SMYD3: variants seen among roughly 807,000 people sequenced by gnomAD.
SMYD3 encodes histone-lysine N-methyltransferase SMYD3.
A neutral mutation model predicts 57.7 loss-of-function variants in SMYD3; 36 were observed. The observed-to-expected ratio is 0.62, with a 90% CI of 0.48 to 0.82. The LOEUF is 0.82. Among genes scored for constraint, SMYD3 ranks in the 40% least tolerant of loss-of-function variants. The pLI, the probability that SMYD3 is intolerant of heterozygous loss-of-function variation, is 0.00. For missense variants in SMYD3, 515 were observed against 538.8 expected, an observed-to-expected ratio of 0.96 and a Z score of 0.44; for synonymous variants, 211 against 195.0, an observed-to-expected ratio of 1.08 and a Z score of -0.68.
chr1:245,774,742 T>TCCTTCTCCAC (rs1457852254), intron 10 of SMYD3, among the ~76,000 whole-genome samples: 36 of 149,638 alleles, frequency 2.4e-4, no homozygotes, highest in East Asian at 9.9e-4. Flanking sequence ...GGTCTCCCTC[T>TCCTTCTCCAC]GATGCTGAGC....
At chr1:246,339,870 T>C (rs2065604781) in intron 2 of SMYD3, among the ~76,000 whole-genome samples, 1 of 152,206 alleles carries the variant, frequency 6.6e-6, no homozygotes, top group South Asian at 2.1e-4. Flanking sequence ...CCTTCTGCCA[T>C]GCTAGGATGC....
At chr1:246,287,596 T>C (rs1052913240) in intron 5 of SMYD3, among the ~76,000 whole-genome samples, 4 of 152,266 alleles carry the variant, frequency 2.6e-5, no homozygotes, top group South Asian at 4.1e-4. Context: ...AAGATGGACA[T>C]AGAAATACCA....
intron 10 of SMYD3, among the ~76,000 whole-genome samples, chr1:245,810,155 G>C (rs1316044910): frequency 6.6e-6 from 1 of 152,202 alleles, no homozygotes; most frequent in African/African-American, 2.4e-5. Flanking sequence ...CTACCACAAG[G>C]CAGCAGAGCC....
chr1:245,844,802 G>A (rs2050581631), intron 10 of SMYD3, among the ~76,000 whole-genome samples: 2 of 151,928 alleles, frequency 1.3e-5, no homozygotes, highest in Admixed American at 1.3e-4. Context: ...ACATGACCAG[G>A]GAAACATGAC....
At chr1:245,828,257 T>C (rs1218174519) in intron 10 of SMYD3, among the ~76,000 whole-genome samples, 5 of 152,202 alleles carry the variant, frequency 3.3e-5, no homozygotes, top group Non-Finnish European at 5.9e-5. Flanking sequence ...GAGAGGTGCA[T>C]TAACATTTTA....
intron 5 of SMYD3, among the ~76,000 whole-genome samples, chr1:246,124,943 G>A (rs1488882391): frequency 6.6e-6 from 1 of 152,032 alleles, no homozygotes; most frequent in East Asian, 1.9e-4. Context: ...GTGGTGGCGG[G>A]CGCCTGTAGT....
At chr1:246,335,718 G>A (rs866744404) in intron 2 of SMYD3, among the ~76,000 whole-genome samples, 1 of 152,076 alleles carries the variant, frequency 6.6e-6, no homozygotes, top group Non-Finnish European at 1.5e-5. Context: ...TTGTCCCCTG[G>A]TTATTACCTG....
At chr1:246,255,986 A>ATAGG (rs2063884643) in intron 5 of SMYD3, among the ~76,000 whole-genome samples, 1 of 151,166 alleles carries the variant, frequency 6.6e-6, no homozygotes, top group East Asian at 1.9e-4. Context: ...AGATAGATAG[A>ATAGG]TACACACACA....
Position 246,440,401 on chromosome 1 carries a change from CACAA to C in SMYD3, c.164+66649_164+66652del, listed in dbSNP as rs565641773. On this transcript the variant is annotated intron_variant, in intron 1 of 11. Coordinates refer to ENST00000490107, the MANE Select transcript of SMYD3 (RefSeq NM_001167740.2). ...CACTTTGCAGAAGTTATTTCATCCT[CACAA>C]ACAGCCTGTGAGGAAGATATCGTCA... Among the ~76,000 whole-genome samples, 908 of 152,290 alleles carry C rather than the reference CACAA, an allele frequency of 6.0e-3. 12 individuals are homozygous for C. The highest frequency in any genetic ancestry group is 0.021 in the African/African-American group (866 of 41,572).
intron 5 of SMYD3, among the ~76,000 whole-genome samples, chr1:246,257,079 A>G (rs1578248): frequency 0.27 from 40,587 of 152,092 alleles, 6,113 homozygotes; most frequent in East Asian, 0.58. Context: ...TTATGGCTGA[A>G]CATGTGGTCA....
intron 5 of SMYD3, among the ~76,000 whole-genome samples, chr1:246,190,643 A>C (rs1198682374): frequency 6.6e-6 from 1 of 151,124 alleles, no homozygotes; most frequent in East Asian, 1.9e-4. Context: ...GCTAAAGCTC[A>C]CTGATTTAAA....
intron 1 of SMYD3, among the ~76,000 whole-genome samples, chr1:246,444,613 C>G (rs1001748165): frequency 6.6e-6 from 1 of 152,238 alleles, no homozygotes; most frequent in Non-Finnish European, 1.5e-5. Flanking sequence ...CAGGTGCTCT[C>G]AGGCAACCAT....
chr1:245,804,451 G>A (rs903882594), intron 10 of SMYD3, among the ~76,000 whole-genome samples: 3 of 152,174 alleles, frequency 2.0e-5, no homozygotes, highest in Admixed American at 1.3e-4. Context: ...CCAGCTACTC[G>A]GGAGGCTGAG....
chr1:246,432,906 AG>A (rs2067319000), intron 1 of SMYD3, among the ~76,000 whole-genome samples: 1 of 152,242 alleles, frequency 6.6e-6, no homozygotes, highest in African/African-American at 2.4e-5. Context: ...TGGCCAAAGC[AG>A]GTTCAATGGA....
At position 246,412,854 on chromosome 1, in the gene SMYD3, G is replaced by A. The variant is rs763459203; in HGVS notation, c.165-57760C>T. 1.7e-4 allele frequency among the ~76,000 whole-genome samples: 10 copies of A among 58,048 alleles called. No individual in the cohort carries two copies. In the East Asian group the frequency reaches 3.6e-3, roughly 21 times the overall value. The allele number at this position is 58,048 out of a possible 152,430, so 38.1% of individuals were successfully genotyped here. A position where few individuals can be genotyped will look rare whatever the true frequency, so the allele number is the denominator to read the frequency against. The stretch of plus-strand genomic sequence containing the variant: ...GCCTCAGCAACAAGAGTGAGACTCC[G>A]TCTCAAAAAAAAAAAAAAAAAGAAG... On this transcript the variant is annotated intron_variant, in intron 1 of 11. Coordinates refer to ENST00000490107, the MANE Select transcript of SMYD3 (RefSeq NM_001167740.2).
At chr1:246,212,003 C>A (rs1234878182) in intron 5 of SMYD3, among the ~76,000 whole-genome samples, 1 of 151,418 alleles carries the variant, frequency 6.6e-6, no homozygotes, top group Non-Finnish European at 1.5e-5. Flanking sequence ...AAATATTCCA[C>A]TTAAGGTGGA....
intron 5 of SMYD3, among the ~76,000 whole-genome samples, chr1:246,282,677 T>C (rs1215240628): frequency 6.6e-6 from 1 of 152,188 alleles, no homozygotes; most frequent in Non-Finnish European, 1.5e-5. Flanking sequence ...TTTGTTTGGA[T>C]ACAAAAAATC....
At chr1:246,441,634 T>C (rs898059829) in intron 1 of SMYD3, among the ~76,000 whole-genome samples, 5 of 152,176 alleles carry the variant, frequency 3.3e-5, no homozygotes, top group Non-Finnish European at 7.4e-5. Context: ...CCCCTTGAGA[T>C]AGAGTCTCAC....
chr1:246,007,508 C>A (rs901177318), intron 5 of SMYD3, among the ~76,000 whole-genome samples: 2 of 151,940 alleles, frequency 1.3e-5, no homozygotes, highest in Non-Finnish European at 2.9e-5. Context: ...GATGAAAGGA[C>A]TAAAGAAAAG....
Sources: gnomAD v4.1 joint callset for allele counts (sites outside exome capture counted in the v4.1 genomes callset) on GRCh38, gnomAD v4.1.1 for gene constraint, MANE v1.5 for transcripts, NCBI Gene and HGNC (gene_info 2026-07-23, HGNC 2026-07-21) for gene names.